Variants in NECTIN1 observed in about 807,000 individuals in gnomAD.
NECTIN1 encodes the protein nectin-1.
In NECTIN1, 23 loss-of-function variants were observed where a neutral mutation model predicts 48.0. The ratio of observed to expected loss-of-function variants is 0.48; its 90% confidence interval spans 0.34 to 0.68. The LOEUF is 0.68. NECTIN1 is among the 30% of genes least tolerant of loss of function. The pLI is 0.01. For missense variants in NECTIN1, 591 were observed against 709.9 expected (o/e 0.83, Z 1.90); for synonymous variants, 270 against 288.9 (o/e 0.93, Z 0.66).
At position 119,672,571 on chromosome 11, in the gene NECTIN1, T is replaced by C. The variant is rs1000620057; in HGVS notation, c.1003+2588A>G. Among the ~76,000 whole-genome samples the C allele has an allele frequency of 1.1e-4, 16 of 152,184 alleles. No individual in the cohort carries two copies. Among genetic ancestry groups the C allele is most frequent in the African/African-American group, 3.6e-4 (15 of 41,446 alleles). ...TTGTTTCCCACTAGGGACTCACTCATGGTGGCAGCTCCTAACGGGTGTGCC... is the reference window on the plus strand; with the variant it reads ...TTGTTTCCCACTAGGGACTCACTCACGGTGGCAGCTCCTAACGGGTGTGCC... On this transcript the variant is annotated intron_variant, in intron 5 of 5. Coordinates refer to ENST00000264025, the MANE Select transcript of NECTIN1 (RefSeq NM_002855.5). This position sits in a 1 kb window ranked among gnomAD's most constrained non-coding sequence, Gnocchi z 4.3.
In NECTIN1 at chr11:119,709,405, C is replaced by CG. The variant is rs1781370775; in HGVS notation, c.79+19069dup. Among the ~76,000 whole-genome samples, 1 of 152,158 alleles carries CG rather than the reference C, an allele frequency of 6.6e-6. No homozygotes were observed. The highest frequency in any genetic ancestry group is 2.4e-5 in the African/African-American group (1 of 41,438). Reference sequence around the variant, plus strand: ...CCTGGGCCACTCTGCTACCTGGGGCCGGGGGAGAGCCTGCAGGGGCAGGGG... The same window carrying CG: ...CCTGGGCCACTCTGCTACCTGGGGCCGGGGGGAGAGCCTGCAGGGGCAGGGG... On this transcript the variant is annotated intron_variant, in intron 1 of 5. Transcript: ENST00000264025. This position sits in a 1 kb window ranked among gnomAD's most constrained non-coding sequence, Gnocchi z 4.1.
chr11:119,654,177 AGT>A (rs1864532376), intron 5 of NECTIN1: 1 of 152,226 alleles, frequency 6.6e-6, no homozygotes, highest in South Asian at 2.1e-4. Flanking sequence ...CCAAGTACAG[AGT>A]GAAGAAGACC....
chr11:119,711,276 GCTACTTGGGAGGCTGAGGCAGGAGAAT>G (rs1483756111), intron 1 of NECTIN1, among the ~76,000 whole-genome samples: 2 of 151,980 alleles, frequency 1.3e-5, no homozygotes, highest in East Asian at 3.9e-4. Flanking sequence ...TGTAATCCCA[GCTACTTGGGAGGCTGAGGCAGGAGAAT>G]CATTTGAACC....
At chr11:119,697,667 G>A (rs1380384602) in intron 1 of NECTIN1, among the ~76,000 whole-genome samples, 2 of 152,232 alleles carry the variant, frequency 1.3e-5, no homozygotes, top group African/African-American at 4.8e-5. Flanking sequence ...CAGTGGTTGA[G>A]AAATTTGCCA....
rs1053316984 is a variant in NECTIN1, at chr11:119,714,994, A to T, written c.79+13481T>A. On this transcript the variant is annotated intron_variant, in intron 1 of 5. Transcript: ENST00000264025. ...GCCGAGGCTGTCTGTAAATGCCTGC[A>T]GGATCACATGAGCTCCATGCGATTC... is the stretch of plus-strand genomic sequence containing the variant. Among the ~76,000 whole-genome samples the T allele has an allele frequency of 2.6e-5, 4 of 152,274 alleles. No homozygotes were observed. In the East Asian group the frequency reaches 7.8e-4, roughly 30 times the overall value.
downstream of NECTIN1, among the ~76,000 whole-genome samples, chr11:119,658,647 G>A (rs957388032): frequency 2.0e-5 from 3 of 152,184 alleles, no homozygotes; most frequent in African/African-American, 7.2e-5. Flanking sequence ...TTTCCAGGAA[G>A]TCTTCCCCGA....
chr11:119,647,046 C>T (rs377166610), intron 5 of NECTIN1, among the ~76,000 whole-genome samples: 106 of 152,230 alleles, frequency 7.0e-4, no homozygotes, highest in African/African-American at 2.3e-3. Context: ...TGGCCTTTCT[C>T]GTGCTGGCTC....
chr11:119,704,999 C>T (rs1865523714), intron 1 of NECTIN1, among the ~76,000 whole-genome samples: 1 of 152,218 alleles, frequency 6.6e-6, no homozygotes, highest in South Asian at 2.1e-4. Flanking sequence ...ATAGTCCTGA[C>T]CTCAGAGAGT....
Position 119,663,193 on chromosome 11 carries a change from C to T in NECTIN1, c.*1554G>A, listed in dbSNP as rs77555237. The T allele has an allele frequency of 1.7e-3, 1,722 of 985,448 alleles. 19 individuals are homozygous for T. The African/African-American group carries it at 0.028, about 16-fold the overall frequency. The allele number at this position is 985,448 out of a possible 1,614,324, so 61.0% of individuals were successfully genotyped here. On this transcript the variant is annotated 3_prime_UTR_variant, in exon 6 of 6. Coordinates refer to ENST00000264025, the MANE Select transcript of NECTIN1 (RefSeq NM_002855.5). Reference sequence around the variant, plus strand: ...CCCAGTGGGCAGGCATGAAGGGCCGCGAAGCCTGCCTCTCCATCCCAGGGT... The same window carrying T: ...CCCAGTGGGCAGGCATGAAGGGCCGTGAAGCCTGCCTCTCCATCCCAGGGT...
In NECTIN1 at chr11:119,728,530, G is replaced by T. The variant is rs1017901884; in HGVS notation, c.24C>A (p.Gly8=). 1.9e-6 allele frequency: 3 copies of T among 1,590,710 alleles called. No individual in the cohort carries two copies. The highest frequency in any genetic ancestry group is 1.7e-5 in the Admixed American group (1 of 57,998). ...CGAGTCCCCACCAGCGTCCAGCGGC[G>T]CCCGCAAGCCCCATCCGAGCCATCG... MARMGLA[G]AAGRWWGLAL... Residue 8 remains glycine, a synonymous_variant, in exon 1 of 6, where the codon GGC becomes GGA. Transcript: ENST00000264025.
At chr11:119,671,054 G>C (rs1475718866) in intron 5 of NECTIN1, among the ~76,000 whole-genome samples, 4 of 151,910 alleles carry the variant, frequency 2.6e-5, no homozygotes, top group Non-Finnish European at 5.9e-5. Context: ...AGAATGGCTG[G>C]GATGACCTTC....
chr11:119,638,927 T>G, intron 6 of NECTIN1: 2 of 866,172 alleles, frequency 2.3e-6, no homozygotes, highest in Non-Finnish European at 3.7e-6. Flanking sequence ...GGAGCTCTGC[T>G]TCCCAGGCAG....
rs550322286 is a variant in NECTIN1, at chr11:119,692,528, G to T, written c.80-13763C>A. Among the ~76,000 whole-genome samples, 9 of 152,336 alleles carry T rather than the reference G, an allele frequency of 5.9e-5. No homozygotes were observed. In the East Asian group the frequency reaches 1.7e-3, roughly 29 times the overall value. On this transcript the variant is annotated intron_variant, in intron 1 of 5. Transcript: ENST00000264025. ...TGCCCTTAGCAGCAGCAGAAGCTGG[G>T]GCTCAAGTGCTCCCCTCCTTCCCTC...
At chr11:119,650,769 T>C (rs959224345) in intron 5 of NECTIN1, among the ~76,000 whole-genome samples, 4 of 152,052 alleles carry the variant, frequency 2.6e-5, no homozygotes, top group Non-Finnish European at 4.4e-5. Flanking sequence ...TTGGGAATGA[T>C]AGTAAGAGTA....
intron 5 of NECTIN1, among the ~76,000 whole-genome samples, chr11:119,652,708 A>G (rs1335133789): frequency 6.6e-6 from 1 of 152,240 alleles, no homozygotes; most frequent in Non-Finnish European, 1.5e-5. Context: ...AAGCAGAGCC[A>G]TGGGAACTCT....
intron 5 of NECTIN1, among the ~76,000 whole-genome samples, chr11:119,648,307 A>ATGGTGGTGATGG (rs1864434314): frequency 9.6e-5 from 1 of 10,430 alleles, no homozygotes; most frequent in Admixed American, 1.2e-3. Context: ...GGTGGTGGTG[A>ATGGTGGTGATGG]TGGTGGTGAT....
rs1491219214 is a variant in NECTIN1, at chr11:119,683,574, G to GTA, written c.80-4810_80-4809insTA. On this transcript the variant is annotated intron_variant, in intron 1 of 5. Coordinates refer to ENST00000264025, the MANE Select transcript of NECTIN1 (RefSeq NM_002855.5). The surrounding 1 kb of genome is among the most constrained non-coding windows in gnomAD (Gnocchi z 4.0). ...GAAACAGGGGCTTTGGGGATCCCGG[G>GTA]TGTGTGTGTGTGTGTGTGTGTGTGT... 1.6e-4 allele frequency among the ~76,000 whole-genome samples: 6 copies of GTA among 37,138 alleles called. No homozygotes were observed. Among genetic ancestry groups the GTA allele is most frequent in the African/African-American group, 6.7e-4 (6 of 8,928 alleles). The allele number at this position is 37,138 out of a possible 152,430, so 24.4% of individuals were successfully genotyped here.
Position 119,672,786 on chromosome 11 carries a change from G to T in NECTIN1, c.1003+2373C>A, listed in dbSNP as rs1018355101. Among the ~76,000 whole-genome samples the T allele has an allele frequency of 6.6e-6, 1 of 152,086 alleles. No individual in the cohort carries two copies. Among genetic ancestry groups the T allele is most frequent in the Non-Finnish European group, 1.5e-5 (1 of 68,016 alleles). On this transcript the variant is annotated intron_variant, in intron 5 of 5. Transcript: ENST00000264025. This position sits in a 1 kb window ranked among gnomAD's most constrained non-coding sequence, Gnocchi z 4.3. ...CCTGGCCTGGGCATCCCGCCCTCCA[G>T]CCCTGCCTACTCACTCATCTCCCAG...
chr11:119,728,522 C>A lies in NECTIN1; in HGVS notation c.32G>T (p.Gly11Val). 2 of 1,596,720 alleles carry A rather than the reference C, an allele frequency of 1.3e-6. No individual in the cohort carries two copies. Among genetic ancestry groups the A allele is most frequent in the Non-Finnish European group, 1.7e-6 (2 of 1,172,370 alleles). Reference sequence around the variant, plus strand: ...GCCGAGAGCGAGTCCCCACCAGCGTCCAGCGGCGCCCGCAAGCCCCATCCG... The same window carrying A: ...GCCGAGAGCGAGTCCCCACCAGCGTACAGCGGCGCCCGCAAGCCCCATCCG... MARMGLAGAAGRWWGLALGLT... is the reference protein window; with the variant it reads MARMGLAGAAVRWWGLALGLT... The change falls in exon 1 of 6, where the codon GGA becomes GTA. Residue 11 changes from glycine to valine, a missense_variant. Transcript: ENST00000264025.
Sources: gnomAD v4.1 joint callset for allele counts (sites outside exome capture counted in the v4.1 genomes callset) on GRCh38, gnomAD v4.1.1 for gene constraint, Gnocchi (gnomAD v3.1) non-coding constraint, MANE v1.5 for transcripts, NCBI Gene and HGNC (gene_info 2026-07-23, HGNC 2026-07-21) for gene names.